The following CUL4B variants were observed in gnomAD, a reference collection of about 807,000 sequenced individuals.
The protein encoded by CUL4B is cullin-4B.
A neutral mutation model predicts 69.2 loss-of-function variants in CUL4B; 1 was observed. The observed-to-expected ratio is 0.01, with a 90% CI of 0.01 to 0.07. CUL4B has a LOEUF of 0.07. Ranked by LOEUF, CUL4B falls within the 10% of genes least tolerant of loss-of-function variation. The pLI is 1.00. For missense variants in CUL4B, 328 were observed against 638.8 expected, an observed-to-expected ratio of 0.51 and a Z score of 5.24; for synonymous variants, 237 against 223.2, an observed-to-expected ratio of 1.06 and a Z score of -0.55.
At chrX:120,567,900 A>T (rs1469348694), downstream of CUL4B, among the ~76,000 whole-genome samples, 2 of 110,102 alleles carry the variant, frequency 1.8e-5, no homozygotes, top group African/African-American at 6.6e-5. Context: ...CTCTCCAGGA[A>T]ATTCTACATA....
upstream of CUL4B, among the ~76,000 whole-genome samples, chrX:120,564,036 C>T (rs1418019182): frequency 1.8e-5 from 2 of 112,449 alleles, no homozygotes; most frequent in Non-Finnish European, 3.8e-5. Context: ...CGCGTGGTGG[C>T]TCATGCCTGT....
At chrX:120,556,352 A>G (rs975041946) in intron 2 of CUL4B, among the ~76,000 whole-genome samples, 9 of 111,961 alleles carry the variant, frequency 8.0e-5, no homozygotes, top group African/African-American at 2.9e-4. Context: ...GGTGATCTCA[A>G]TTGTCATACT....
chrX:120,562,415 A>C (rs1194012730), upstream of CUL4B, among the ~76,000 whole-genome samples: 13 of 112,507 alleles, frequency 1.2e-4, no homozygotes, highest in Non-Finnish European at 1.9e-5. Flanking sequence ...ATCAAAAACT[A>C]AATTTGCCAA....
upstream of CUL4B, chrX:120,561,555 GGT>G (rs1365586330): frequency 9.7e-6 from 3 of 310,566 alleles, no homozygotes; most frequent in African/African-American, 9.2e-5. Flanking sequence ...AAGGCGAGGG[GGT>G]GGGGGGGGTG....
chrX:120,559,758 T>C (rs889927989), intron 1 of CUL4B: 23 of 1,040,737 alleles, frequency 2.2e-5, no homozygotes, highest in Non-Finnish European at 2.9e-5. Flanking sequence ...AATAAACCTC[T>C]TTAGAATACA....
intron 15 of CUL4B, among the ~76,000 whole-genome samples, 198 bp downstream of exon 15, chrX:120,536,729 C>A (rs1235028682): frequency 8.9e-6 from 1 of 112,062 alleles, no homozygotes; most frequent in African/African-American, 3.2e-5. Flanking sequence ...AGCCTGGTGA[C>A]TTACACCTGT....
intron 1 of CUL4B, among the ~76,000 whole-genome samples, chrX:120,574,971 C>T (rs1391269560): frequency 1.8e-5 from 2 of 111,811 alleles, no homozygotes. Context: ...AACAGATTCC[C>T]CTCAAAGTGT....
chrX:120,532,676 T>A (rs1441424103), intron 17 of CUL4B, 82 bp from the exon 18 acceptor site: 5 of 852,563 alleles, frequency 5.9e-6, no homozygotes, highest in East Asian at 3.1e-5. Flanking sequence ...TTCCACTCCA[T>A]CCCCCTATTA....
At chrX:120,541,499 C>CAAA in intron 10 of CUL4B, 103 bp downstream of exon 10, 26 of 513,965 alleles carry the variant, frequency 5.1e-5, no homozygotes, top group Non-Finnish European at 6.8e-5. Context: ...AACTCTGTCT[C>CAAA]AAAAAAAAAA....
upstream of CUL4B, among the ~76,000 whole-genome samples, chrX:120,563,056 C>G (rs1925385690): frequency 9.0e-6 from 1 of 111,661 alleles, no homozygotes; most frequent in Non-Finnish European, 1.9e-5. Flanking sequence ...TTGAAAAGTC[C>G]CTGATTAAAA....
At position 120,560,670 on chromosome X, in the gene CUL4B, T is replaced by C. The variant is rs371291880; in HGVS notation, c.-32A>G. 1.7e-6 allele frequency: 2 copies of C among 1,193,659 alleles called. No homozygotes were observed. The highest frequency in any genetic ancestry group is 6.4e-4 in the Middle Eastern group (2 of 3,127). On this transcript the variant is annotated 5_prime_UTR_variant, in exon 1 of 20. An upstream start codon of the reference 5' UTR is lost. Coordinates refer to ENST00000371322, the MANE Select transcript of CUL4B (RefSeq NM_001079872.2). ...AGCGGGGTCAACAGGCAGAGGAGCA[T>C]CAAAAACCTACGTTTATATGCCTGC...
At chrX:120,541,561 T>C in intron 10 of CUL4B, 41 bp downstream of exon 10, 2 of 892,359 alleles carry the variant, frequency 2.2e-6, no homozygotes, top group Non-Finnish European at 3.3e-6. Context: ...GATGTGTAGA[T>C]AAGCCATAAG....
chrX:120,526,274 A>C lies in CUL4B; in HGVS notation c.*487T>G, dbSNP rs1922962070. ...GACAATTCATTTCTCTTTTCAAGGG[A>C]AATCACAAAACGGGTGAACAACCAA... On this transcript the variant is annotated 3_prime_UTR_variant, in exon 20 of 20. Coordinates refer to ENST00000371322, the MANE Select transcript of CUL4B (RefSeq NM_001079872.2). 8.8e-6 allele frequency: 1 copy of C among 113,914 alleles called. No homozygotes were observed. Among genetic ancestry groups the C allele is most frequent in the African/African-American group, 3.2e-5 (1 of 31,004 alleles). 9.4% of individuals were successfully genotyped at this position (113,914 alleles called of 1,213,427 possible). A position where few individuals can be genotyped will look rare whatever the true frequency, so the allele number is the denominator to read the frequency against.
intron 2 of CUL4B, among the ~76,000 whole-genome samples, chrX:120,572,464 C>CAAAAAAA (rs66749436): frequency 4.0e-5 from 2 of 50,426 alleles, no homozygotes; most frequent in Non-Finnish European, 7.2e-5. Flanking sequence ...CAAAACTCCT[C>CAAAAAAA]AAAAAAAAAA....
chrX:120,567,162 C>T (rs1326574311), downstream of CUL4B, among the ~76,000 whole-genome samples: 2 of 88,657 alleles, frequency 2.3e-5, no homozygotes, highest in African/African-American at 8.7e-5. Flanking sequence ...TTGGCTCTGT[C>T]GCCCAGGCTG....
rs753016013 is a variant in CUL4B, at chrX:120,560,543, C to T, written c.96G>A (p.Pro32=). The T allele has an allele frequency of 8.3e-7, 1 of 1,208,176 alleles. No individual in the cohort carries two copies. The highest frequency in any genetic ancestry group is 1.8e-5 in the South Asian group (1 of 56,543). Reference sequence around the variant, plus strand: ...ACTTTCTCTTCTTGGCAGAGGTGGGCGGAGTGGTGCTGGTATTACCATCAG... The same window carrying T: ...ACTTTCTCTTCTTGGCAGAGGTGGGTGGAGTGGTGCTGGTATTACCATCAG... ...SATDGNTSTT[P]PTSAKKRKLN... is the part of the protein sequence containing the mutation. Residue 32 remains proline (P), a synonymous_variant, in exon 1 of 20, where the codon CCG becomes CCA. Coordinates refer to ENST00000371322, the MANE Select transcript of CUL4B (RefSeq NM_001079872.2).
rs1455407111 is a variant in CUL4B, at chrX:120,525,727, G to C, written c.*1034C>G. 1 of 111,161 alleles carries C rather than the reference G, an allele frequency of 9.0e-6. No individual in the cohort carries two copies. The highest frequency in any genetic ancestry group is 2.8e-4 in the East Asian group (1 of 3,539). 9.2% of individuals were successfully genotyped at this position (111,161 alleles called of 1,213,427 possible). A position where few individuals can be genotyped will look rare whatever the true frequency, so the allele number is the denominator to read the frequency against. ...CAGGAAAGGCTTATTTATCAACAAAGAGAAGAGTTGGGATGCTTCTAAAAA... is the reference window on the plus strand; with the variant it reads ...CAGGAAAGGCTTATTTATCAACAAACAGAAGAGTTGGGATGCTTCTAAAAA... On this transcript the variant is annotated 3_prime_UTR_variant, in exon 20 of 20. Coordinates refer to ENST00000371322, the MANE Select transcript of CUL4B (RefSeq NM_001079872.2).
intron 8 of CUL4B, 102 bp from the exon 9 acceptor site, chrX:120,543,135 T>C (rs1017813754): frequency 7.7e-6 from 4 of 516,195 alleles, no homozygotes; most frequent in Non-Finnish European, 6.7e-6. Flanking sequence ...TCATTTTATG[T>C]TGATTTCAAG....
At position 120,530,003 on chromosome X, in the gene CUL4B, T is replaced by C. The variant is rs191519056; in HGVS notation, c.2592+99A>G. ...AAATTAAAACTTTTCTCTCTCTAAATGGTCATGACGCTTTATGTTTGCAAG... is the reference window on the plus strand; with the variant it reads ...AAATTAAAACTTTTCTCTCTCTAAACGGTCATGACGCTTTATGTTTGCAAG... On this transcript the variant is annotated intron_variant, in intron 19 of 19. Coordinates refer to ENST00000371322, the MANE Select transcript of CUL4B (RefSeq NM_001079872.2). 1.1e-4 allele frequency: 99 copies of C among 886,528 alleles called. 1 individual carries two copies. In the Admixed American group the frequency reaches 1.9e-3, roughly 17 times the overall value. 73.1% of individuals were successfully genotyped at this position (886,528 alleles called of 1,213,427 possible).
Sources: allele counts gnomAD v4.1 joint callset (sites outside exome capture counted in the v4.1 genomes callset), GRCh38; gene constraint gnomAD v4.1.1; transcripts MANE v1.5; gene names NCBI Gene and HGNC (gene_info 2026-07-23, HGNC 2026-07-21).